Variants in DYRK1A observed in about 807,000 individuals in gnomAD.
The protein encoded by DYRK1A is dual specificity tyrosine phosphorylation regulated kinase 1A.
DYRK1A carries 9 observed loss-of-function variants against 79.7 expected under a neutral mutation model. That is an observed-to-expected ratio of 0.11 (90% confidence interval 0.07 to 0.20). The LOEUF is 0.20. Ranked by LOEUF, DYRK1A falls within the 10% of genes least tolerant of loss-of-function variation. The probability of loss-of-function intolerance (pLI) is 1.00; values close to 1 mark genes in which losing one functional copy is unlikely to be tolerated. For synonymous variants in DYRK1A, 349 were observed against 329.7 expected, an observed-to-expected ratio of 1.06 and a Z score of -0.63; for missense variants, 622 against 956.0, an observed-to-expected ratio of 0.65 and a Z score of 4.61.
chr21:37,477,718 C>CT (rs979566272), intron 3 of DYRK1A, among the ~76,000 whole-genome samples: 6 of 152,268 alleles, frequency 3.9e-5, no homozygotes, highest in African/African-American at 1.4e-4. Context: ...TGGTGCTCTG[C>CT]TGCCAGCCCC....
intron 2 of DYRK1A, among the ~76,000 whole-genome samples, chr21:37,460,280 G>A (rs1196165159): frequency 6.6e-6 from 1 of 152,072 alleles, no homozygotes; most frequent in Non-Finnish European, 1.5e-5. Flanking sequence ...TCTCCTAATG[G>A]CAGATTGATT....
At chr21:37,413,164 C>T (rs1235186666) in intron 1 of DYRK1A, among the ~76,000 whole-genome samples, 2 of 152,110 alleles carry the variant, frequency 1.3e-5, no homozygotes, top group African/African-American at 2.4e-5. Flanking sequence ...GTAAGTAAAA[C>T]TGAACTCACT....
intron 8 of DYRK1A, among the ~76,000 whole-genome samples, chr21:37,495,555 C>T (rs1273334323): frequency 6.6e-6 from 1 of 152,080 alleles, no homozygotes; most frequent in East Asian, 1.9e-4. Flanking sequence ...TTGCCTGAAC[C>T]TGGGAGGTGG....
rs1362753612 is a variant in DYRK1A, at chr21:37,522,709, T to C, written c.*10178T>C. On this transcript the variant is annotated 3_prime_UTR_variant, in exon 12 of 12. Transcript: ENST00000647188. ...GTTTCTCTCCGACAATCGTCTCGTT[T>C]AATTGTGAAACTAGAATCACTTCCA... The C allele has an allele frequency of 6.6e-6, 1 of 152,270 alleles. No homozygotes were observed. Among genetic ancestry groups the C allele is most frequent in the African/African-American group, 2.4e-5 (1 of 41,464 alleles). 9.4% of individuals were successfully genotyped at this position (152,270 alleles called of 1,614,324 possible).
chr21:37,422,743 A>G (rs1302971751), intron 2 of DYRK1A, among the ~76,000 whole-genome samples: 2 of 152,188 alleles, frequency 1.3e-5, no homozygotes, highest in Non-Finnish European at 2.9e-5. Context: ...GTATCAAAAC[A>G]TCATGTTTTA....
Position 37,507,163 on chromosome 21 carries a change from G to C in DYRK1A, c.1644+940G>C, listed in dbSNP as rs530136407. ...CTCCACTTTGTAACATTGAATACAT[G>C]ATCCTGCCTATGTGTGCACTGTCCA... On this transcript the variant is annotated intron_variant, in intron 11 of 11. Coordinates refer to ENST00000647188, the MANE Select transcript of DYRK1A (RefSeq NM_001347721.2). Among the ~76,000 whole-genome samples the C allele has an allele frequency of 3.3e-5, 5 of 152,302 alleles. No individual in the cohort carries two copies. In the East Asian group the frequency reaches 9.6e-4, roughly 29 times the overall value.
intron 5 of DYRK1A, among the ~76,000 whole-genome samples, chr21:37,484,628 G>T (rs1245529176): frequency 6.6e-6 from 1 of 152,124 alleles, no homozygotes; most frequent in African/African-American, 2.4e-5. Flanking sequence ...GCTGTACAGG[G>T]CCTAATAGCT....
chr21:37,383,768 A>C (rs1482663147), intron 1 of DYRK1A, among the ~76,000 whole-genome samples: 1 of 152,162 alleles, frequency 6.6e-6, no homozygotes, highest in Non-Finnish European at 1.5e-5. Flanking sequence ...AAAGCAAATA[A>C]CATAATTACA....
intron 1 of DYRK1A, among the ~76,000 whole-genome samples, chr21:37,405,429 C>CT (rs1202925455): frequency 6.6e-6 from 1 of 152,170 alleles, no homozygotes; most frequent in Non-Finnish European, 1.5e-5. Flanking sequence ...GTGAGACTTG[C>CT]TTGATTATTT....
Position 37,391,333 on chromosome 21 carries a change from CTT to C in DYRK1A, c.-77+23706_-77+23707del, listed in dbSNP as rs1466136524. Among the ~76,000 whole-genome samples the C allele has an allele frequency of 5.3e-5, 8 of 150,608 alleles. No homozygotes were observed. In the South Asian group the frequency reaches 1.5e-3, roughly 27 times the overall value. ...TCCTTGGCATCTTCAACTGTAGACA[CTT>C]ATTCTGTGGCTTCCTTTAGTCTCCT... On this transcript the variant is annotated intron_variant, in intron 1 of 11. Coordinates refer to ENST00000647188, the MANE Select transcript of DYRK1A (RefSeq NM_001347721.2).
At chr21:37,453,180 T>G (rs2051515792) in intron 2 of DYRK1A, among the ~76,000 whole-genome samples, 1 of 152,212 alleles carries the variant, frequency 6.6e-6, no homozygotes, top group Non-Finnish European at 1.5e-5. Flanking sequence ...ACCTGGTGTT[T>G]CCAAAACCTA....
intron 2 of DYRK1A, among the ~76,000 whole-genome samples, chr21:37,465,707 G>T (rs975319197): frequency 5.9e-5 from 9 of 151,946 alleles, no homozygotes; most frequent in Non-Finnish European, 1.2e-4. Context: ...GGTGGTGGCG[G>T]GTGCCTGTAA....
Position 37,478,263 on chromosome 21 carries a change from C to G in DYRK1A, c.263C>G (p.Ser88Cys). The G allele has an allele frequency of 1.2e-6, 2 of 1,614,052 alleles. No individual in the cohort carries two copies. Among genetic ancestry groups the G allele is most frequent in the Non-Finnish European group, 1.7e-6 (2 of 1,179,916 alleles). ...DPATAPLRKL[S>C]VDLIKTYKHI... Reference sequence around the variant, plus strand: ...GCAACTGCTCCCCTGAGAAAACTTTCTGTTGACTTGATCAAAACATACAAG... The same window carrying G: ...GCAACTGCTCCCCTGAGAAAACTTTGTGTTGACTTGATCAAAACATACAAG... The change falls in exon 4 of 12, where the codon TCT becomes TGT. Residue 88 changes from serine (S) to cysteine (C), a missense_variant. By Grantham distance (112) the Ser-to-Cys change is moderately radical (BLOSUM62 -1). This residue lies in a region of DYRK1A where 91 missense variants were observed against 113.8 expected (regional missense o/e 0.80). Coordinates refer to ENST00000647188, the MANE Select transcript of DYRK1A (RefSeq NM_001347721.2).
rs1481245553 is a variant in DYRK1A, at chr21:37,514,376, A to C, written c.*1845A>C. The C allele has an allele frequency of 6.6e-6, 1 of 152,606 alleles. No individual in the cohort carries two copies. The highest frequency in any genetic ancestry group is 1.5e-5 in the Non-Finnish European group (1 of 68,044). 9.5% of individuals were successfully genotyped at this position (152,606 alleles called of 1,614,324 possible). On this transcript the variant is annotated 3_prime_UTR_variant, in exon 12 of 12. Transcript: ENST00000647188. ...CACTTTTGAGCGGTTGAATTGGGAGAATGAAGATAAGTAATTTACCTGTCC... is the reference window on the plus strand; with the variant it reads ...CACTTTTGAGCGGTTGAATTGGGAGCATGAAGATAAGTAATTTACCTGTCC...
At chr21:37,426,659 T>C (rs893120783) in intron 2 of DYRK1A, among the ~76,000 whole-genome samples, 21 of 150,984 alleles carry the variant, frequency 1.4e-4, no homozygotes, top group Non-Finnish European at 3.1e-4. Flanking sequence ...GCCTGTAATC[T>C]CAGCACTTTG....
Position 37,513,123 on chromosome 21 carries a change from G to A in DYRK1A, c.*592G>A, listed in dbSNP as rs994477790. On this transcript the variant is annotated 3_prime_UTR_variant, in exon 12 of 12. Transcript: ENST00000647188. ...GCTGTATGAAAGGGACGGTTGTGGTGAAGTTTGTCAGGCACAGTAAGCATG... is the reference window on the plus strand; with the variant it reads ...GCTGTATGAAAGGGACGGTTGTGGTAAAGTTTGTCAGGCACAGTAAGCATG... 6.5e-6 allele frequency: 1 copy of A among 153,826 alleles called. No individual in the cohort carries two copies. Among genetic ancestry groups the A allele is most frequent in the Non-Finnish European group, 1.5e-5 (1 of 68,926 alleles). 9.5% of individuals were successfully genotyped at this position (153,826 alleles called of 1,614,324 possible).
At chr21:37,372,598 TCAACAG>T (rs1471757952) in intron 1 of DYRK1A, among the ~76,000 whole-genome samples, 2 of 152,174 alleles carry the variant, frequency 1.3e-5, no homozygotes, top group African/African-American at 4.8e-5. Flanking sequence ...GATCTGAGTC[TCAACAG>T]GTTCTGTTGG....
At chr21:37,481,678 G>C (rs2052646664) in intron 5 of DYRK1A, 1 of 152,348 alleles carries the variant, frequency 6.6e-6, no homozygotes, top group South Asian at 2.1e-4. Flanking sequence ...TTTCAGGCGT[G>C]AGCCACCATG....
chr21:37,506,118 C>G lies in DYRK1A; in HGVS notation c.1539C>G (p.Ser513Arg). 6.2e-7 allele frequency: 1 copy of G among 1,612,224 alleles called. No homozygotes were observed. Among genetic ancestry groups the G allele is most frequent in the Non-Finnish European group, 8.5e-7 (1 of 1,178,466 alleles). ...TTTCAGGTGGCTCATCGGGGACAAG[C>G]AACAGTGGGAGAGCCCGGTCGGATC... ...SSSSGGSSGT[S>R]NSGRARSDPT... Residue 513 changes from serine to arginine, a missense_variant, in exon 11 of 12, where the codon AGC becomes AGG. Coordinates refer to ENST00000647188, the MANE Select transcript of DYRK1A (RefSeq NM_001347721.2).
Sources: allele counts gnomAD v4.1 joint callset (sites outside exome capture counted in the v4.1 genomes callset), GRCh38; gene constraint gnomAD v4.1.1; regional missense constraint gnomAD v4.1.1; transcripts MANE v1.5; gene names NCBI Gene and HGNC (gene_info 2026-07-23, HGNC 2026-07-21).